The following DOCK7 variants were observed in gnomAD, a reference collection of about 807,000 sequenced individuals.
The protein encoded by DOCK7 is dedicator of cytokinesis protein 7.
DOCK7 carries 138 observed loss-of-function variants against 271.0 expected under a neutral mutation model. The observed-to-expected ratio is 0.51, with a 90% CI of 0.44 to 0.59. The LOEUF is 0.59. Among genes scored for constraint, DOCK7 ranks in the 20% least tolerant of loss-of-function variants. The pLI is 0.00. For missense variants in DOCK7, 2,066 were observed against 2,592.4 expected (o/e 0.80, Z 4.41); for synonymous variants, 823 against 876.1 (o/e 0.94, Z 1.07).
intron 41 of DOCK7, among the ~76,000 whole-genome samples, chr1:62,489,624 T>C (rs1646401287): frequency 6.6e-6 from 1 of 152,200 alleles, no homozygotes; most frequent in Non-Finnish European, 1.5e-5. Context: ...TATTAATATA[T>C]ATACATACAC....
At chr1:62,460,960 T>C (rs1645507478) in intron 48 of DOCK7, 1 of 152,116 alleles carries the variant, frequency 6.6e-6, no homozygotes, top group Non-Finnish European at 1.5e-5. Context: ...ACTGGCCAAG[T>C]TTATTAATTC....
intron 22 of DOCK7, 73 bp from the exon 23 acceptor site, chr1:62,545,112 G>A: frequency 7.5e-7 from 1 of 1,337,346 alleles, no homozygotes; most frequent in Non-Finnish European, 1.0e-6. Flanking sequence ...TATTCTTAAA[G>A]AAATTCAGAT....
chr1:62,483,174 A>ATTTTTTTTTTTTTTTTTTTTTTTTTTT (rs57648164), intron 43 of DOCK7: 4 of 70,172 alleles, frequency 5.7e-5, no homozygotes, highest in Non-Finnish European at 8.9e-5. Flanking sequence ...TGCCCAGCTA[A>ATTTTTTTTTTTTTTTTTTTTTTTTTTT]TTTTTTTTTT....
intron 48 of DOCK7, among the ~76,000 whole-genome samples, 183 bp downstream of exon 48, chr1:62,473,799 G>C (rs1190783637): frequency 6.6e-6 from 1 of 151,952 alleles, no homozygotes; most frequent in African/African-American, 2.4e-5. Flanking sequence ...TTTCCAGGCT[G>C]GTCTCAAACT....
intron 1 of DOCK7, among the ~76,000 whole-genome samples, chr1:62,672,699 C>A (rs1186865500): frequency 1.3e-5 from 2 of 152,022 alleles, no homozygotes; most frequent in Non-Finnish European, 2.9e-5. Context: ...TTTCTAAATT[C>A]TCTGCAGCAA....
chr1:62,474,927 G>A (rs1436198785), intron 47 of DOCK7, among the ~76,000 whole-genome samples: 1 of 152,178 alleles, frequency 6.6e-6, no homozygotes, highest in Non-Finnish European at 1.5e-5. Flanking sequence ...GGTAACATCA[G>A]GGAGAATCTA....
chr1:62,470,475 A>G (rs148600701), intron 48 of DOCK7, among the ~76,000 whole-genome samples: 2 of 152,276 alleles, frequency 1.3e-5, no homozygotes, highest in East Asian at 1.9e-4. Flanking sequence ...AAGACTATCA[A>G]CTGGGTTCAG....
chr1:62,462,538 A>G lies in DOCK7; in HGVS notation c.6213-4833T>C, dbSNP rs933260142. 5.9e-5 allele frequency among the ~76,000 whole-genome samples: 9 copies of G among 152,342 alleles called. 1 individual carries two copies. The South Asian group carries it at 1.4e-3, about 25-fold the overall frequency. Reference sequence around the variant, plus strand: ...GTGATGACACTGCAAACCAGAAAGAAAGAAATTTATAATAGTGATGACACA... The same window carrying G: ...GTGATGACACTGCAAACCAGAAAGAGAGAAATTTATAATAGTGATGACACA... On this transcript the variant is annotated intron_variant, in intron 48 of 49. Coordinates refer to ENST00000635253, the MANE Select transcript of DOCK7 (RefSeq NM_001367561.1).
At chr1:62,622,848 T>G (rs2149597843) in intron 12 of DOCK7, among the ~76,000 whole-genome samples, 1 of 152,184 alleles carries the variant, frequency 6.6e-6, no homozygotes, top group Admixed American at 6.5e-5. Flanking sequence ...GAGAATGGCA[T>G]GAACCCAGGA....
chr1:62,538,831 T>A (rs551476167), intron 27 of DOCK7, among the ~76,000 whole-genome samples: 1 of 152,292 alleles, frequency 6.6e-6, no homozygotes, highest in African/African-American at 2.4e-5. Context: ...GTGCTCCTCA[T>A]CCCCACCACC....
chr1:62,529,944 ACTT>A (rs1347264881), intron 29 of DOCK7, among the ~76,000 whole-genome samples: 4 of 152,152 alleles, frequency 2.6e-5, no homozygotes, highest in Admixed American at 2.0e-4. Context: ...TTTAAACTGC[ACTT>A]CTTTACTAAT....
intron 1 of DOCK7, among the ~76,000 whole-genome samples, chr1:62,671,924 T>A (rs1427606265): frequency 6.7e-6 from 1 of 148,776 alleles, no homozygotes; most frequent in Non-Finnish European, 1.5e-5. Flanking sequence ...TACATAAAGT[T>A]ACTATGAGAA....
At chr1:62,677,927 TC>T (rs68082028) in intron 1 of DOCK7, among the ~76,000 whole-genome samples, 149,052 of 152,210 alleles carry the variant, frequency 0.98, 73,065 homozygotes, top group Middle Eastern at 1. Context: ...GGCCAGGAGT[TC>T]TCCAGCCTGG....
intron 14 of DOCK7, chr1:62,604,701 A>C: frequency 6.2e-7 from 1 of 1,613,334 alleles, no homozygotes; most frequent in Non-Finnish European, 8.5e-7. Flanking sequence ...ACCAAGAGCA[A>C]AATCTAAGCC....
chr1:62,649,679 T>C (rs181152253), intron 4 of DOCK7, among the ~76,000 whole-genome samples: 83 of 152,340 alleles, frequency 5.4e-4, no homozygotes, highest in Non-Finnish European at 4.4e-5. Context: ...TCTGTTGCTA[T>C]GATAAGGCTC....
rs1342003197 is a variant in DOCK7, at chr1:62,555,914, T to G, written c.2507A>C (p.His836Pro). Residue 836 changes from histidine to proline, a missense_variant, in exon 21 of 50, where the codon CAT becomes CCT. By Grantham distance (77) the His-to-Pro change is moderately conservative. Around this residue, in one of 2 missense-constraint regions of DOCK7, gnomAD observed 1,414 missense variants for 1,670.4 expected, o/e 0.85. Transcript: ENST00000635253. ...AAGGCTGTTTCTGCCATGCTGGTCA[T>G]GATTTCCTTCCAAGTTTTTGTGAAG... ...NRLHKNLEGN[H>P]DQHGRNSLLA... The G allele has an allele frequency of 3.7e-6, 6 of 1,613,856 alleles. No homozygotes were observed. In the Admixed American group the frequency reaches 8.3e-5, roughly 22 times the overall value.
At chr1:62,464,556 C>T (rs1319906073) in intron 48 of DOCK7, among the ~76,000 whole-genome samples, 1 of 151,828 alleles carries the variant, frequency 6.6e-6, no homozygotes, top group Non-Finnish European at 1.5e-5. Context: ...GTGGTGCGTG[C>T]CTGCAATCCC....
rs937365670 is a variant in DOCK7 at position 62,559,164 on chromosome 1, G to C, written c.2256C>G (p.Phe752Leu). ...TTCGCATGTCCCCAATTCGGACTGG[G>C]AACAGGTGTTCATCCAGAGCATTGA... ...ALVNALDEHL[F>L]PVRIGDMRIM... The change falls in exon 20 of 50, where the codon TTC becomes TTG. Residue 752 changes from phenylalanine (F) to leucine (L), a missense_variant. By Grantham distance (22) the Phe-to-Leu change is conservative (BLOSUM62 0). Around this residue, in one of 2 missense-constraint regions of DOCK7, gnomAD observed 1,414 missense variants for 1,670.4 expected, o/e 0.85. Transcript: ENST00000635253. 3 of 1,613,586 alleles carry C rather than the reference G, an allele frequency of 1.9e-6. No individual in the cohort carries two copies. The highest frequency in any genetic ancestry group is 1.3e-5 in the African/African-American group (1 of 74,870).
intron 14 of DOCK7, among the ~76,000 whole-genome samples, chr1:62,592,628 G>GT (rs1378652424): frequency 1.4e-4 from 21 of 152,064 alleles, no homozygotes; most frequent in African/African-American, 4.6e-4. Flanking sequence ...TAAAAAGAGG[G>GT]TAACAAGGAG....
Sources: allele counts gnomAD v4.1 joint callset (sites outside exome capture counted in the v4.1 genomes callset), GRCh38; gene constraint gnomAD v4.1.1; regional missense constraint gnomAD v4.1.1; transcripts MANE v1.5; gene names NCBI Gene and HGNC (gene_info 2026-07-23, HGNC 2026-07-21).